The following ULBP2 variants were observed in gnomAD, a reference collection of about 807,000 sequenced individuals.
ULBP2 encodes the protein UL16 binding protein 2.
Under a neutral mutation model 23.6 loss-of-function variants are expected in ULBP2, and 21 were observed. That is an observed-to-expected ratio of 0.89 (90% CI 0.63 to 1.28). The LOEUF (loss-of-function observed/expected upper bound fraction) is 1.28, where lower values mean the gene tolerates loss of function less well. Among genes scored for constraint, ULBP2 ranks in the 50% most tolerant of loss-of-function variants. The pLI is 0.00. For synonymous variants in ULBP2, 82 were observed against 112.8 expected (o/e 0.73, Z 1.73); for missense variants, 251 against 306.0 (o/e 0.82, Z 1.34).
At chr6:149,946,206 C>CAAAA (rs67763917) in intron 2 of ULBP2, among the ~76,000 whole-genome samples, 166 bp from the exon 3 acceptor site, 24 of 126,268 alleles carry the variant, frequency 1.9e-4, no homozygotes, top group South Asian at 1.6e-3. Context: ...GACCCTTTCT[C>CAAAA]AAAAAAAAAA....
intron 1 of ULBP2, among the ~76,000 whole-genome samples, chr6:149,943,490 C>T (rs17748581): frequency 0.019 from 2,904 of 152,198 alleles, 77 homozygotes; most frequent in Admixed American, 0.08. Flanking sequence ...TCCTGGGGAT[C>T]GGGTCCAACT....
chr6:149,942,825 C>T (rs564086829), intron 1 of ULBP2, among the ~76,000 whole-genome samples: 31 of 152,200 alleles, frequency 2.0e-4, no homozygotes, highest in Middle Eastern at 3.4e-3. Flanking sequence ...TACACCACGT[C>T]GCACCTTCTG....
At position 149,945,538 on chromosome 6, in the gene ULBP2, G is replaced by C; in HGVS notation, c.315G>C (p.Leu105=). Residue 105 remains leucine, a synonymous_variant, in exon 2 of 5, where the codon CTG becomes CTC. Coordinates refer to ENST00000367351, the MANE Select transcript of ULBP2 (RefSeq NM_025217.4). ...REVVDILTEQ[L]RDIQLENYTP... ...TGGTGGACATACTTACAGAGCAACT[G>C]CGTGACATTCAGCTGGAGAATTACA... 1 of 1,614,052 alleles carries C rather than the reference G, an allele frequency of 6.2e-7. No homozygotes were observed. Among genetic ancestry groups the C allele is most frequent in the Non-Finnish European group, 8.5e-7 (1 of 1,179,882 alleles).
intron 1 of ULBP2, among the ~76,000 whole-genome samples, chr6:149,942,829 C>T (rs1778883598): frequency 6.6e-6 from 1 of 152,130 alleles, no homozygotes; most frequent in South Asian, 2.1e-4. Context: ...CCACGTCGCA[C>T]CTTCTGCCTC....
rs1194027841 is a variant in ULBP2, at chr6:149,946,513, G to C, written c.491G>C (p.Gly164Ala). The C allele has an allele frequency of 6.2e-7, 1 of 1,614,004 alleles. No homozygotes were observed. Among genetic ancestry groups the C allele is most frequent in the South Asian group, 1.1e-5 (1 of 91,082 alleles). The change falls in exon 3 of 5, where the codon GGA becomes GCA. Residue 164 changes from glycine to alanine, a missense_variant. By Grantham distance (60) the Gly-to-Ala change is moderately conservative (BLOSUM62 0). Transcript: ENST00000367351. ...AGAATGTGGACAACGGTTCATCCTG[G>C]AGCCAGAAAGATGAAAGAAAAGTGG... Reference protein sequence around the residue: ...EKRMWTTVHPGARKMKEKWEN... With the variant: ...EKRMWTTVHPAARKMKEKWEN...
chr6:149,948,742 G>T lies in ULBP2; in HGVS notation c.*42G>T. The T allele has an allele frequency of 2.2e-6, 1 of 456,720 alleles. No individual in the cohort carries two copies. The highest frequency in any genetic ancestry group is 4.4e-6 in the Non-Finnish European group (1 of 226,974). 28.3% of individuals were successfully genotyped at this position (456,720 alleles called of 1,614,324 possible). A position where few individuals can be genotyped will look rare whatever the true frequency, so the allele number is the denominator to read the frequency against. On this transcript the variant is annotated 3_prime_UTR_variant, in exon 5 of 5. Coordinates refer to ENST00000367351, the MANE Select transcript of ULBP2 (RefSeq NM_025217.4). ...CTGAAGGTTAAAGCTGATACCAAAA[G>T]GCTCCTGTGAGCACGGTCTTGATCA... is the stretch of plus-strand genomic sequence containing the variant.
In ULBP2 at chr6:149,946,460, G is replaced by T. The variant is rs1778942731; in HGVS notation, c.438G>T (p.Gln146His). ...CTTGGCAGTTCAGTTTCGATGGGCAGATCTTCCTCCTCTTTGACTCAGAGA... is the reference window on the plus strand; with the variant it reads ...CTTGGCAGTTCAGTTTCGATGGGCATATCTTCCTCCTCTTTGACTCAGAGA... ...SGSWQFSFDG[Q>H]IFLLFDSEKR... Residue 146 changes from glutamine to histidine, a missense_variant, in exon 3 of 5, where the codon CAG becomes CAT. Transcript: ENST00000367351. The T allele has an allele frequency of 1.9e-6, 3 of 1,614,194 alleles. No individual in the cohort carries two copies. Among genetic ancestry groups the T allele is most frequent in the Middle Eastern group, 1.6e-4 (1 of 6,062 alleles).
intron 1 of ULBP2, among the ~76,000 whole-genome samples, chr6:149,942,825 C>G (rs564086829): frequency 6.6e-6 from 1 of 152,084 alleles, no homozygotes; most frequent in Non-Finnish European, 1.5e-5. Context: ...TACACCACGT[C>G]GCACCTTCTG....
Position 149,945,738 on chromosome 6 carries a change from C to T in ULBP2, c.349+166C>T, listed in dbSNP as rs189936397. Among the ~76,000 whole-genome samples the T allele has an allele frequency of 1.1e-4, 17 of 152,126 alleles. No individual in the cohort carries two copies. The East Asian group carries it at 1.7e-3, about 16-fold the overall frequency. On this transcript the variant is annotated intron_variant, in intron 2 of 4. Transcript: ENST00000367351. ...TGGGCCGATCACAAGGTCAGGAATTCGAGACCAGCCTGACCAACATGGTGA... is the reference window on the plus strand; with the variant it reads ...TGGGCCGATCACAAGGTCAGGAATTTGAGACCAGCCTGACCAACATGGTGA...
chr6:149,948,526 G>T (rs1238890792), intron 4 of ULBP2, among the ~76,000 whole-genome samples, 197 bp from the exon 5 acceptor site: 1 of 152,154 alleles, frequency 6.6e-6, no homozygotes, highest in Non-Finnish European at 1.5e-5. Context: ...CAGGTGCAGG[G>T]CCTGGGCTGA....
chr6:149,944,754 C>G (rs1171508642), intron 1 of ULBP2, among the ~76,000 whole-genome samples: 2 of 136,802 alleles, frequency 1.5e-5, no homozygotes, highest in Non-Finnish European at 1.5e-5. Flanking sequence ...CTGTGTGGAC[C>G]ATCTCTTTGT....
At chr6:149,947,033 G>C (rs1778953761) in intron 3 of ULBP2, among the ~76,000 whole-genome samples, 1 of 151,912 alleles carries the variant, frequency 6.6e-6, no homozygotes, top group Admixed American at 6.5e-5. Context: ...CCAGCCCAGA[G>C]ATCCTCCCCT....
At position 149,946,383 on chromosome 6, in the gene ULBP2, C is replaced by T. The variant is rs774206339; in HGVS notation, c.361C>T (p.Leu121=). 3.7e-6 allele frequency: 6 copies of T among 1,613,370 alleles called. No individual in the cohort carries two copies. In the East Asian group the frequency reaches 6.7e-5, roughly 18 times the overall value. The stretch of plus-strand genomic sequence containing the variant: ...TCTGATGGGGGCAGAACCCCTCACC[C>T]TGCAGGCAAGGATGTCTTGTGAGCA... ...ENYTPKEPLT[L]QARMSCEQKA... is the part of the protein sequence containing the mutation. Residue 121 remains leucine (L), a synonymous_variant, in exon 3 of 5, where the codon CTG becomes TTG. Coordinates refer to ENST00000367351, the MANE Select transcript of ULBP2 (RefSeq NM_025217.4).
intron 1 of ULBP2, among the ~76,000 whole-genome samples, chr6:149,944,293 GC>G (rs1562486701): frequency 6.6e-6 from 1 of 151,768 alleles, no homozygotes; most frequent in African/African-American, 2.4e-5. Context: ...GGGTGGGTTT[GC>G]ATCTCTTTTG....
At chr6:149,945,038 G>A (rs374358611) in intron 1 of ULBP2, among the ~76,000 whole-genome samples, 36 of 151,624 alleles carry the variant, frequency 2.4e-4, no homozygotes, top group Middle Eastern at 3.4e-3. Context: ...GCAAGGTCAC[G>A]TGTTGACTGA....
At chr6:149,946,273 G>A in intron 2 of ULBP2, 99 bp from the exon 3 acceptor site, 1 of 1,437,470 alleles carries the variant, frequency 7.0e-7, no homozygotes, top group Non-Finnish European at 9.5e-7. Context: ...GCAAGGCCAA[G>A]ATGTAGCAGA....
At chr6:149,943,431 C>G (rs1778893214) in intron 1 of ULBP2, among the ~76,000 whole-genome samples, 1 of 152,120 alleles carries the variant, frequency 6.6e-6, no homozygotes, top group African/African-American at 2.4e-5. Context: ...GGTACCCTCC[C>G]TGAAGCCTCA....
chr6:149,943,495 C>A (rs1778894580), intron 1 of ULBP2, among the ~76,000 whole-genome samples: 1 of 152,140 alleles, frequency 6.6e-6, no homozygotes, highest in Non-Finnish European at 1.5e-5. Flanking sequence ...GGGATCGGGT[C>A]CAACTGCTTG....
Position 149,945,398 on chromosome 6 carries a change from A to G in ULBP2, c.175A>G (p.Lys59Glu). 6 of 1,613,702 alleles carry G rather than the reference A, an allele frequency of 3.7e-6. No individual in the cohort carries two copies. Among genetic ancestry groups the G allele is most frequent in the Non-Finnish European group, 5.1e-6 (6 of 1,179,870 alleles). ...WCAVQGQVDE[K>E]TFLHYDCGNK... ...TGCGGTTCAAGGCCAGGTGGATGAAAAGACTTTTCTTCACTATGACTGTGG... is the reference window on the plus strand; with the variant it reads ...TGCGGTTCAAGGCCAGGTGGATGAAGAGACTTTTCTTCACTATGACTGTGG... Residue 59 changes from lysine to glutamate, a missense_variant, in exon 2 of 5, where the codon AAG becomes GAG. Physicochemically the swap from Lys to Glu is moderately conservative, Grantham distance 56 (BLOSUM62 1). This residue lies in a region of ULBP2 where 248 missense variants were observed against 258.9 expected (regional missense o/e 0.96). Transcript: ENST00000367351.
Sources: gnomAD v4.1 joint callset for allele counts (sites outside exome capture counted in the v4.1 genomes callset) on GRCh38, gnomAD v4.1.1 for gene constraint, gnomAD v4.1.1 regional missense constraint, MANE v1.5 for transcripts, NCBI Gene and HGNC (gene_info 2026-07-23, HGNC 2026-07-21) for gene names.